The following GLI2 variants were observed in gnomAD, a reference collection of about 807,000 sequenced individuals.
GLI2 encodes GLI family zinc finger 2.
A neutral mutation model predicts 78.9 loss-of-function variants in GLI2; 22 were observed. The ratio of observed to expected loss-of-function variants is 0.28; its 90% CI spans 0.20 to 0.40. GLI2 has a LOEUF of 0.40. Ranked by LOEUF, GLI2 falls within the 10% of genes least tolerant of loss-of-function variation. The pLI is 1.00. For missense variants in GLI2, 2,097 were observed against 2,213.2 expected (o/e 0.95, Z 1.05); for synonymous variants, 974 against 963.7 (o/e 1.01, Z -0.20).
intron 2 of GLI2, among the ~76,000 whole-genome samples, chr2:120,879,441 G>A (rs1676994884): frequency 6.6e-6 from 1 of 152,218 alleles, no homozygotes; most frequent in Non-Finnish European, 1.5e-5. Flanking sequence ...GAGCCCCAGA[G>A]TGAACATAGA....
At chr2:120,829,715 A>G (rs1686264408) in intron 2 of GLI2, among the ~76,000 whole-genome samples, 1 of 152,108 alleles carries the variant, frequency 6.6e-6, no homozygotes, top group South Asian at 2.1e-4. Context: ...CGGGCCTGGG[A>G]GAAGGGGACT....
At chr2:120,961,076 T>C (rs1483413800) in intron 5 of GLI2, among the ~76,000 whole-genome samples, 3 of 152,168 alleles carry the variant, frequency 2.0e-5, no homozygotes, top group Non-Finnish European at 4.4e-5. Flanking sequence ...ATATTGGTGA[T>C]TTAACGACAG....
intron 2 of GLI2, among the ~76,000 whole-genome samples, chr2:120,804,530 C>A (rs1396759698): frequency 6.6e-6 from 1 of 152,242 alleles, no homozygotes; most frequent in Non-Finnish European, 1.5e-5. Context: ...AGTGGGCCAC[C>A]TTCCCTGGCT....
rs891218302 is a variant in GLI2 at position 120,821,427 on chromosome 2, G to A, written c.148+23959G>A. On this transcript the variant is annotated intron_variant, in intron 2 of 13. Coordinates refer to ENST00000361492, the MANE Select transcript of GLI2 (RefSeq NM_001374353.1). ...GCAGATCCGGCGGACATTTATGGGC[G>A]ACAGAGAAGGGTAGCTCAGCATTGA... is the stretch of plus-strand genomic sequence containing the variant. Among the ~76,000 whole-genome samples, 11 of 152,180 alleles carry A rather than the reference G, an allele frequency of 7.2e-5. No homozygotes were observed. In the East Asian group the frequency reaches 7.7e-4, roughly 11 times the overall value.
In GLI2 at chr2:120,989,050, G is replaced by T. The variant is rs778226507; in HGVS notation, c.3085G>T (p.Gly1029Cys). The T allele has an allele frequency of 1.9e-6, 3 of 1,608,066 alleles. No homozygotes were observed. The highest frequency in any genetic ancestry group is 2.5e-6 in the Non-Finnish European group (3 of 1,179,358). ...GGAGGCCGTGGCGGCAGGAGTGGAC[G>T]GCGCGGGGCCCGAGGCCGACCTGGG... Reference protein sequence around the residue: ...AMEAVAAGVDGAGPEADLGLP... With the variant: ...AMEAVAAGVDCAGPEADLGLP... The change falls in exon 14 of 14, where the codon GGC becomes TGC. Residue 1029 changes from glycine to cysteine, a missense_variant. Gly to Cys is a radical substitution (Grantham distance 159, BLOSUM62 -3). Coordinates refer to ENST00000361492, the MANE Select transcript of GLI2 (RefSeq NM_001374353.1).
At position 120,972,080 on chromosome 2, in the gene GLI2, C is replaced by G; in HGVS notation, c.1182+17C>G. 6.2e-7 allele frequency: 1 copy of G among 1,612,508 alleles called. No individual in the cohort carries two copies. Among genetic ancestry groups the G allele is most frequent in the Non-Finnish European group, 8.5e-7 (1 of 1,179,698 alleles). On this transcript the variant is annotated intron_variant, in intron 8 of 13. Transcript: ENST00000361492. ...CTGACGCAGGTAACCTGCTGCCAGC[C>G]GCACCACCTTCCTCCAGCTAGGACC...
chr2:120,793,010 T>A (rs1684220852), intron 1 of GLI2, among the ~76,000 whole-genome samples: 1 of 152,216 alleles, frequency 6.6e-6, no homozygotes, highest in Non-Finnish European at 1.5e-5. Flanking sequence ...GAAAGACTTG[T>A]GCAACTAACA....
intron 3 of GLI2, among the ~76,000 whole-genome samples, chr2:120,941,061 G>A (rs11904639): frequency 0.025 from 3,825 of 152,288 alleles, 175 homozygotes; most frequent in African/African-American, 0.088. Flanking sequence ...GGGGAGTGAC[G>A]TGTGGACGCA....
intron 2 of GLI2, among the ~76,000 whole-genome samples, chr2:120,908,650 C>A (rs1359620713): frequency 2.0e-5 from 3 of 152,184 alleles, no homozygotes; most frequent in Non-Finnish European, 4.4e-5. Context: ...ACTGCTTGGG[C>A]CCCCTGGCTC....
rs758220202 is a variant in GLI2 at position 120,927,359 on chromosome 2, A to G, written c.149-2A>G. 1.9e-6 allele frequency: 3 copies of G among 1,607,680 alleles called. No homozygotes were observed. In the South Asian group the frequency reaches 3.3e-5, roughly 18 times the overall value. On this transcript the variant is annotated splice_acceptor_variant, in intron 2 of 13. Coordinates refer to ENST00000361492, the MANE Select transcript of GLI2 (RefSeq NM_001374353.1). LOFTEE classifies it high-confidence loss of function. ...GTCTTGTTTCTCTCTCCCCCTCTGC[A>G]GTGCCGCAGCATCTCTTGCCACCAT... is the stretch of plus-strand genomic sequence containing the variant.
chr2:120,793,896 T>C (rs1684262117), intron 1 of GLI2, among the ~76,000 whole-genome samples: 1 of 152,226 alleles, frequency 6.6e-6, no homozygotes, highest in South Asian at 2.1e-4. Context: ...GGGAGTGGCC[T>C]TGGGCAGCTC....
At chr2:120,756,641 A>G (rs1167959906) in intron 1 of GLI2, among the ~76,000 whole-genome samples, 1 of 152,190 alleles carries the variant, frequency 6.6e-6, no homozygotes, top group Non-Finnish European at 1.5e-5. Context: ...AACTGTTAAA[A>G]CAGTTCTTTA....
intron 2 of GLI2, among the ~76,000 whole-genome samples, chr2:120,804,795 A>G (rs1471780673): frequency 6.6e-6 from 1 of 152,166 alleles, no homozygotes; most frequent in African/African-American, 2.4e-5. Flanking sequence ...TGTTTTTCAG[A>G]TGGTTCAGGA....
chr2:120,917,750 GAT>G (rs1404026383), intron 2 of GLI2, among the ~76,000 whole-genome samples: 2 of 152,218 alleles, frequency 1.3e-5, no homozygotes, highest in East Asian at 3.9e-4. Context: ...GCAGCCATGG[GAT>G]ATGTGGCTGA....
intron 2 of GLI2, among the ~76,000 whole-genome samples, chr2:120,908,004 C>T (rs1449895848): frequency 6.6e-6 from 1 of 152,200 alleles, no homozygotes; most frequent in Non-Finnish European, 1.5e-5. Flanking sequence ...GGTGAAAGCC[C>T]CCAGCAGGGG....
chr2:120,743,369 T>G (rs1682608013), intron 1 of GLI2, among the ~76,000 whole-genome samples: 3 of 152,002 alleles, frequency 2.0e-5, no homozygotes, highest in South Asian at 2.1e-4. Context: ...TTGGGGAGGC[T>G]GAGGTGGGAG....
chr2:120,832,586 G>A (rs1686417370), intron 2 of GLI2, among the ~76,000 whole-genome samples: 1 of 152,202 alleles, frequency 6.6e-6, no homozygotes, highest in African/African-American at 2.4e-5. Flanking sequence ...CCAGCCCAGG[G>A]CTGAGCAGAC....
intron 2 of GLI2, among the ~76,000 whole-genome samples, chr2:120,799,300 G>T (rs1684573203): frequency 6.6e-6 from 1 of 152,180 alleles, no homozygotes. Context: ...GGCCCTTGTT[G>T]TCTGATCGCA....
At chr2:120,975,948 A>G (rs1682437233) in intron 9 of GLI2, among the ~76,000 whole-genome samples, 2 of 152,184 alleles carry the variant, frequency 1.3e-5, no homozygotes, top group African/African-American at 4.8e-5. Flanking sequence ...CATGTTTGTC[A>G]GCACTTAGTG....
Sources: allele counts gnomAD v4.1 joint callset (sites outside exome capture counted in the v4.1 genomes callset), GRCh38; gene constraint gnomAD v4.1.1; transcripts MANE v1.5; gene names NCBI Gene and HGNC (gene_info 2026-07-23, HGNC 2026-07-21).